Variants in PCDHGA6 observed in about 807,000 individuals in gnomAD.
PCDHGA6 encodes protocadherin gamma subfamily A, 6, also known as protocadherin gamma-A6.
In PCDHGA6, 41 loss-of-function variants were observed where a neutral mutation model predicts 60.6. The observed-to-expected ratio is 0.68, with a 90% CI of 0.53 to 0.88. PCDHGA6 has a LOEUF of 0.88. Among genes scored for constraint, PCDHGA6 ranks in the 40% least tolerant of loss-of-function variants. The probability of loss-of-function intolerance (pLI) is 0.00; values close to 1 mark genes in which losing one functional copy is unlikely to be tolerated. For missense variants in PCDHGA6, 1,312 were observed against 1,203.0 expected (o/e 1.09, Z -1.34); for synonymous variants, 594 against 524.4 (o/e 1.13, Z -1.81).
chr5:141,387,037 A>G (rs2090794833), intron 1 of PCDHGA6, among the ~76,000 whole-genome samples: 1 of 152,258 alleles, frequency 6.6e-6, no homozygotes, highest in Non-Finnish European at 1.5e-5. Flanking sequence ...TTTCATAACC[A>G]GTAAAATAAT....
chr5:141,479,057 T>A (rs2099487107), intron 1 of PCDHGA6, among the ~76,000 whole-genome samples: 1 of 152,234 alleles, frequency 6.6e-6, no homozygotes, highest in East Asian at 1.9e-4. Context: ...TCTCAGATAA[T>A]TTTTTATGAA....
chr5:141,427,213 G>A (rs566924176), intron 1 of PCDHGA6: 3 of 456,706 alleles, frequency 6.6e-6, no homozygotes, highest in East Asian at 6.9e-5. Context: ...TTCGAATTTC[G>A]TAGCAGTTAT....
At chr5:141,496,285 A>G (rs1003747820) in intron 2 of PCDHGA6, among the ~76,000 whole-genome samples, 1 of 152,210 alleles carries the variant, frequency 6.6e-6, no homozygotes, top group Non-Finnish European at 1.5e-5. Flanking sequence ...AGTTGGTCTG[A>G]GCAGAGTGGG....
Position 141,376,448 on chromosome 5 carries a change from G to T in PCDHGA6, c.2365G>T (p.Glu789Ter), listed in dbSNP as rs771215693. ...CAACCAGGAGAGCTATGAGAAAAGC[G>T]AGCCTCTTCTGATAACTCAGGATTT... ...LINQESYEKS[E>*]PLLITQDLLE... Residue 789 changes from glutamate (E) to a stop codon, truncating the protein, a stop_gained, in exon 1 of 4, where the codon GAG (glutamate) becomes TAG (stop). Coordinates refer to ENST00000517434, the MANE Select transcript of PCDHGA6 (RefSeq NM_018919.3). LOFTEE classifies it high-confidence loss of function. The T allele has an allele frequency of 6.2e-7, 1 of 1,614,174 alleles. No homozygotes were observed. Among genetic ancestry groups the T allele is most frequent in the Non-Finnish European group, 8.5e-7 (1 of 1,180,032 alleles).
At chr5:141,394,009 GTAATTATTATAGA>G (rs780846520) in intron 1 of PCDHGA6, 1 of 1,613,394 alleles carries the variant, frequency 6.2e-7, no homozygotes, top group Non-Finnish European at 8.5e-7. Context: ...AAGTCAATAG[GTAATTATTATAGA>G]TTAGTGACAA....
At chr5:141,395,174 AAATGATT>A in intron 1 of PCDHGA6, 1 of 1,614,220 alleles carries the variant, frequency 6.2e-7, no homozygotes, top group Non-Finnish European at 8.5e-7. Flanking sequence ...GCTGTGAGAA[AAATGATT>A]CTTTGTTAAC....
chr5:141,438,054 T>C (rs1451843979), intron 1 of PCDHGA6, among the ~76,000 whole-genome samples: 2 of 152,182 alleles, frequency 1.3e-5, no homozygotes, highest in African/African-American at 4.8e-5. Flanking sequence ...TTGAGTTCAC[T>C]TTTAAGAAAC....
At chr5:141,483,333 C>G (rs566443186) in intron 1 of PCDHGA6, among the ~76,000 whole-genome samples, 1 of 152,096 alleles carries the variant, frequency 6.6e-6, no homozygotes, top group East Asian at 1.9e-4. Context: ...GCAAAGAGAT[C>G]TTATCTCTTT....
chr5:141,384,962 A>G (rs1303034041), intron 1 of PCDHGA6: 1 of 1,613,130 alleles, frequency 6.2e-7, no homozygotes, highest in East Asian at 2.2e-5. Flanking sequence ...TACAACTATG[A>G]CCTCACGTTG....
In PCDHGA6 at chr5:141,430,991, A is replaced by G. The variant is rs2097333608; in HGVS notation, c.2424+54484A>G. 2.5e-6 allele frequency: 4 copies of G among 1,613,862 alleles called. No individual in the cohort carries two copies. In the East Asian group the frequency reaches 8.9e-5, roughly 36 times the overall value. ...AGGTAGGACGCAGCTTTTCGCCCTGAATCCGCGCAGCGGCAGCTTGGTCAC... is the reference window on the plus strand; with the variant it reads ...AGGTAGGACGCAGCTTTTCGCCCTGGATCCGCGCAGCGGCAGCTTGGTCAC... On this transcript the variant is annotated intron_variant, in intron 1 of 3. Coordinates refer to ENST00000517434, the MANE Select transcript of PCDHGA6 (RefSeq NM_018919.3).
chr5:141,401,730 T>C (rs1448734124), intron 1 of PCDHGA6, among the ~76,000 whole-genome samples: 4 of 152,204 alleles, frequency 2.6e-5, no homozygotes, highest in African/African-American at 4.8e-5. Context: ...ACTACTAGTC[T>C]TGTGTACATA....
At chr5:141,384,697 C>A in intron 1 of PCDHGA6, 1 of 1,614,142 alleles carries the variant, frequency 6.2e-7, no homozygotes, top group South Asian at 1.1e-5. Flanking sequence ...AGATTCAGGC[C>A]AGAACGCCTG....
At position 141,491,222 on chromosome 5, in the gene PCDHGA6, C is replaced by A. The variant is rs1185734506; in HGVS notation, c.2425-3585C>A. 6.2e-7 allele frequency: 1 copy of A among 1,614,268 alleles called. No homozygotes were observed. Among genetic ancestry groups the A allele is most frequent in the East Asian group, 2.2e-5 (1 of 44,892 alleles). On this transcript the variant is annotated intron_variant, in intron 1 of 3. Transcript: ENST00000517434. This position sits in a 1 kb window ranked among gnomAD's most constrained non-coding sequence, Gnocchi z 6.9. Reference sequence around the variant, plus strand: ...GACCCTTCACTCTCCTCCACAGCCACAGTGCTGCTGGTTCTGGAGGATGAG... The same window carrying A: ...GACCCTTCACTCTCCTCCACAGCCAAAGTGCTGCTGGTTCTGGAGGATGAG...
At chr5:141,502,660 A>T (rs1423714257) in intron 2 of PCDHGA6, among the ~76,000 whole-genome samples, 2 of 152,208 alleles carry the variant, frequency 1.3e-5, no homozygotes, top group African/African-American at 4.8e-5. Flanking sequence ...GCAACCCTTC[A>T]TGCAATTTTA....
In PCDHGA6 at chr5:141,430,181, T is replaced by A. The variant is rs561671481; in HGVS notation, c.2424+53674T>A. ...TCTATTTAAAAATATTTTCCCCAAA[T>A]TATAGCTGAATCAGAAAGTTTAAAT... On this transcript the variant is annotated intron_variant, in intron 1 of 3. Transcript: ENST00000517434. 2.0e-5 allele frequency among the ~76,000 whole-genome samples: 3 copies of A among 152,252 alleles called. No homozygotes were observed. The South Asian group carries it at 6.2e-4, about 32-fold the overall frequency.
chr5:141,383,575 G>A (rs1229661535), intron 1 of PCDHGA6: 17 of 1,613,114 alleles, frequency 1.1e-5, no homozygotes, highest in Non-Finnish European at 1.4e-5. Context: ...ATCCAGCACC[G>A]CCCACATCCA....
chr5:141,390,601 C>T, intron 1 of PCDHGA6: 1 of 317,490 alleles, frequency 3.1e-6, no homozygotes. Context: ...TTTTCCTATA[C>T]ATTTTCCTTC....
intron 1 of PCDHGA6, among the ~76,000 whole-genome samples, chr5:141,472,313 A>G (rs1411876003): frequency 6.7e-6 from 1 of 150,164 alleles, no homozygotes; most frequent in East Asian, 2.0e-4. Context: ...AAGCCGAGGC[A>G]GGCAGATCAC....
chr5:141,380,050 C>A (rs112095214), intron 1 of PCDHGA6, among the ~76,000 whole-genome samples: 11,568 of 151,826 alleles, frequency 0.076, 586 homozygotes, highest in African/African-American at 0.14. Context: ...CAGGTGCATG[C>A]CACCATGCCT....
Sources: gnomAD v4.1 joint callset for allele counts (sites outside exome capture counted in the v4.1 genomes callset) on GRCh38, gnomAD v4.1.1 for gene constraint, Gnocchi (gnomAD v3.1) non-coding constraint, MANE v1.5 for transcripts, NCBI Gene and HGNC (gene_info 2026-07-23, HGNC 2026-07-21) for gene names.